PSPC1: variants seen among roughly 807,000 people sequenced by gnomAD.
PSPC1 encodes the protein paraspeckle component 1, also known as paraspeckle protein 1.
PSPC1 carries 14 observed loss-of-function variants against 51.6 expected under a neutral mutation model. The observed-to-expected ratio is 0.27, with a 90% CI of 0.18 to 0.42. The LOEUF (loss-of-function observed/expected upper bound fraction) is 0.42, where lower values mean the gene tolerates loss of function less well. PSPC1 is among the 10% of genes least tolerant of loss of function. PSPC1 has a pLI of 1.00. For missense variants in PSPC1, 406 were observed against 701.1 expected (o/e 0.58, Z 4.75); for synonymous variants, 193 against 231.9 (o/e 0.83, Z 1.53).
At chr13:19,696,519 G>GCACACA (rs34618199) in intron 6 of PSPC1, among the ~76,000 whole-genome samples, 1 of 148,802 alleles carries the variant, frequency 6.7e-6, no homozygotes, top group Non-Finnish European at 1.5e-5. Flanking sequence ...ACACACATAC[G>GCACACA]CACACACACA....
intron 4 of PSPC1, among the ~76,000 whole-genome samples, chr13:19,742,774 A>T (rs1478366209): frequency 6.6e-6 from 1 of 152,136 alleles, no homozygotes; most frequent in East Asian, 1.9e-4. Flanking sequence ...TTTCAGCAGC[A>T]AATGCAAAGC....
At chr13:19,777,207 A>G (rs1889242973) in intron 1 of PSPC1, among the ~76,000 whole-genome samples, 2 of 150,218 alleles carry the variant, frequency 1.3e-5, no homozygotes, top group South Asian at 4.2e-4. Flanking sequence ...AGGCGGGTGG[A>G]TCACCTGAGG....
intron 4 of PSPC1, among the ~76,000 whole-genome samples, chr13:19,747,000 C>G (rs1384166781): frequency 6.6e-6 from 1 of 151,986 alleles, no homozygotes; most frequent in Non-Finnish European, 1.5e-5. Context: ...CCCAGCTACT[C>G]AAGAGGCTGA....
chr13:19,713,111 T>A (rs1286481950), intron 6 of PSPC1, among the ~76,000 whole-genome samples: 1 of 152,202 alleles, frequency 6.6e-6, no homozygotes, highest in Non-Finnish European at 1.5e-5. Flanking sequence ...AAACCCTTAC[T>A]TCCCTCTATG....
At chr13:19,756,404 A>G (rs1887074799) in intron 3 of PSPC1, among the ~76,000 whole-genome samples, 1 of 152,012 alleles carries the variant, frequency 6.6e-6, no homozygotes. Context: ...CCGTTAACAT[A>G]TTTTGGTGAG....
chr13:19,725,494 A>G (rs532968429), intron 6 of PSPC1, among the ~76,000 whole-genome samples: 1 of 152,320 alleles, frequency 6.6e-6, no homozygotes, highest in Non-Finnish European at 1.5e-5. Flanking sequence ...CAAACATTTC[A>G]GGTAAAGGGT....
Position 19,747,158 on chromosome 13 carries a change from T to C in PSPC1, c.967+4113A>G, listed in dbSNP as rs141955504. On this transcript the variant is annotated intron_variant, in intron 4 of 8. Transcript: ENST00000338910. ...TTACAAAAATTTTCTGATACATGCA[T>C]ATATATTCTTTGCAGCACTGCTTTT... Among the ~76,000 whole-genome samples, 1,302 of 152,262 alleles carry C rather than the reference T, an allele frequency of 8.6e-3. 21 individuals carry two copies. The highest frequency in any genetic ancestry group is 0.029 in the African/African-American group (1,221 of 41,566).
chr13:19,696,842 T>C (rs1209697193), intron 6 of PSPC1, among the ~76,000 whole-genome samples: 1 of 152,224 alleles, frequency 6.6e-6, no homozygotes, highest in Admixed American at 6.5e-5. Context: ...GAAACTTGTT[T>C]CACAAAATCT....
chr13:19,750,682 G>C (rs1206261806), intron 4 of PSPC1, among the ~76,000 whole-genome samples: 1 of 151,994 alleles, frequency 6.6e-6, no homozygotes, highest in Non-Finnish European at 1.5e-5. Flanking sequence ...CTATGTTTCT[G>C]TTTGCCAAGA....
At chr13:19,777,429 CAAAAAA>C (rs397938970) in intron 1 of PSPC1, among the ~76,000 whole-genome samples, 18 of 47,902 alleles carry the variant, frequency 3.8e-4, no homozygotes, top group African/African-American at 9.8e-4. Flanking sequence ...GACCTCAGCT[CAAAAAA>C]AAAAAAAAAA....
At chr13:19,674,135 G>C (rs1876351285), downstream of PSPC1, among the ~76,000 whole-genome samples, 2 of 152,180 alleles carry the variant, frequency 1.3e-5, no homozygotes, top group Non-Finnish European at 2.9e-5. Context: ...CCTTTCCACT[G>C]TCTACTTGGG....
At chr13:19,677,993 T>A in intron 6 of PSPC1, 1 of 330,352 alleles carries the variant, frequency 3.0e-6, no homozygotes, top group Non-Finnish European at 5.9e-6. Context: ...TCTTTTTAAT[T>A]CAAAATACTC....
At chr13:19,779,987 C>G (rs1593798330) in intron 1 of PSPC1, among the ~76,000 whole-genome samples, 3 of 144,774 alleles carry the variant, frequency 2.1e-5, no homozygotes, top group African/African-American at 7.6e-5. Flanking sequence ...CCCGGCCAGC[C>G]GCCCCGTCCG....
chr13:19,734,524 A>G (rs1344745047), intron 5 of PSPC1, among the ~76,000 whole-genome samples: 1 of 152,184 alleles, frequency 6.6e-6, no homozygotes, highest in African/African-American at 2.4e-5. Context: ...AGTGGGGGCC[A>G]GGCGCACTGG....
At chr13:19,778,815 T>G (rs1889516280) in intron 1 of PSPC1, among the ~76,000 whole-genome samples, 1 of 70,068 alleles carries the variant, frequency 1.4e-5, no homozygotes, top group African/African-American at 4.9e-5. Context: ...GTGAGGAGTG[T>G]CTCTGCCTGG....
At chr13:19,706,820 A>G (rs1344945509) in intron 7 of PSPC1, among the ~76,000 whole-genome samples, 1 of 152,210 alleles carries the variant, frequency 6.6e-6, no homozygotes, top group Non-Finnish European at 1.5e-5. Context: ...AATATACATT[A>G]TAATGCAGCT....
At chr13:19,752,849 G>T (rs982580844) in intron 3 of PSPC1, among the ~76,000 whole-genome samples, 1 of 151,292 alleles carries the variant, frequency 6.6e-6, no homozygotes, top group Non-Finnish European at 1.5e-5. Flanking sequence ...GTCTCCCAAA[G>T]TTCTGGGATT....
chr13:19,763,577 T>C (rs1323366879), intron 2 of PSPC1, among the ~76,000 whole-genome samples: 1 of 152,246 alleles, frequency 6.6e-6, no homozygotes, highest in Non-Finnish European at 1.5e-5. Flanking sequence ...GTTCCTGCGC[T>C]AGCTGAAGTT....
intron 1 of PSPC1, among the ~76,000 whole-genome samples, chr13:19,776,517 A>AT (rs763415535): frequency 0.033 from 4,836 of 146,096 alleles, 84 homozygotes; most frequent in Middle Eastern, 0.08. Context: ...CTATATGCAA[A>AT]TTTTTTTTTT....
Sources: gnomAD v4.1 joint callset for allele counts (sites outside exome capture counted in the v4.1 genomes callset) on GRCh38, gnomAD v4.1.1 for gene constraint, MANE v1.5 for transcripts, NCBI Gene and HGNC (gene_info 2026-07-23, HGNC 2026-07-21) for gene names.